Variants in ADAM17 observed in about 807,000 individuals in gnomAD.
The protein encoded by ADAM17 is disintegrin and metalloproteinase domain-containing protein 17.
A neutral mutation model predicts 96.7 loss-of-function variants in ADAM17; 39 were observed. The observed-to-expected ratio is 0.40, with a 90% CI of 0.31 to 0.53. The LOEUF (loss-of-function observed/expected upper bound fraction) is 0.53. ADAM17 is among the 20% of genes least tolerant of loss of function. ADAM17 has a pLI of 0.44. For missense variants in ADAM17, 777 were observed against 1,013.2 expected, an observed-to-expected ratio of 0.77 and a Z score of 3.17; for synonymous variants, 344 against 359.2, an observed-to-expected ratio of 0.96 and a Z score of 0.48.
At chr2:9,526,732 G>A (rs1490125124) in intron 5 of ADAM17, among the ~76,000 whole-genome samples, 2 of 152,060 alleles carry the variant, frequency 1.3e-5, no homozygotes, top group African/African-American at 4.8e-5. Context: ...GGGTGCGGAG[G>A]TTGCAGTGAG....
chr2:9,527,651 C>A (rs1162137881), intron 5 of ADAM17, 135 bp downstream of exon 5: 3 of 569,982 alleles, frequency 5.3e-6, no homozygotes, highest in Admixed American at 8.5e-5. Context: ...ATTTCTGGAA[C>A]AAACCTCTTA....
At chr2:9,543,005 GA>G in intron 2 of ADAM17, 147 bp downstream of exon 2, 4 of 1,064,330 alleles carry the variant, frequency 3.8e-6, no homozygotes, top group Non-Finnish European at 5.0e-6. Context: ...GCCCCAGTAT[GA>G]ATTTTAGAAT....
intron 6 of ADAM17, among the ~76,000 whole-genome samples, chr2:9,525,354 G>A (rs981558268): frequency 6.6e-6 from 1 of 151,194 alleles, no homozygotes; most frequent in African/African-American, 2.4e-5. Context: ...GAAGTTGGGA[G>A]GGTATGAATA....
intron 15 of ADAM17, among the ~76,000 whole-genome samples, chr2:9,494,351 C>T (rs1443965037): frequency 6.6e-6 from 1 of 152,096 alleles, no homozygotes; most frequent in Non-Finnish European, 1.5e-5. Flanking sequence ...TCTAGGAAAA[C>T]ATAATTAGGA....
At chr2:9,496,838 C>A (rs1189131587) in intron 14 of ADAM17, among the ~76,000 whole-genome samples, 1 of 152,142 alleles carries the variant, frequency 6.6e-6, no homozygotes, top group African/African-American at 2.4e-5. Context: ...ACCCACTCAC[C>A]CCCAACAAAA....
chr2:9,514,243 C>A (rs1406588129), intron 10 of ADAM17, among the ~76,000 whole-genome samples: 1 of 150,038 alleles, frequency 6.7e-6, no homozygotes, highest in Non-Finnish European at 1.5e-5. Context: ...TCATTCTCAG[C>A]AAACTATCGC....
chr2:9,489,946 A>AAAACT lies in ADAM17; in HGVS notation c.*226_*230dup, dbSNP rs1661976387. 1 of 452,494 alleles carries AAAACT rather than the reference A, an allele frequency of 2.2e-6. No homozygotes were observed. The highest frequency in any genetic ancestry group is 3.9e-6 in the Non-Finnish European group (1 of 255,946). 28.0% of individuals were successfully genotyped at this position (452,494 alleles called of 1,614,324 possible). On this transcript the variant is annotated 3_prime_UTR_variant, in exon 19 of 19. Coordinates refer to ENST00000310823, the MANE Select transcript of ADAM17 (RefSeq NM_003183.6). ...GCACCACAGGTCAAAAGATATTTTA[A>AAAACT]AAACTAAAACCTGAAAGCCTCAAAA...
In ADAM17 at chr2:9,541,609, A is replaced by G. The variant is rs1307580859; in HGVS notation, c.230+1544T>C. ...AAAACAAAAAATTGGAAGTTTACAA[A>G]GGAAACCTCTCTGGGTCTGAGAAGT... is the stretch of plus-strand genomic sequence containing the variant. On this transcript the variant is annotated intron_variant, in intron 2 of 18. Coordinates refer to ENST00000310823, the MANE Select transcript of ADAM17 (RefSeq NM_003183.6). Among the ~76,000 whole-genome samples, 3 of 152,214 alleles carry G rather than the reference A, an allele frequency of 2.0e-5. No homozygotes were observed. The East Asian group carries it at 5.8e-4, about 29-fold the overall frequency.
Position 9,489,740 on chromosome 2 carries a change from A to C in ADAM17, c.*437T>G, listed in dbSNP as rs1335337050. ...TAGTTGAAGGCAAAAAAAAAAAAAAAAAAAAAAAACTATTCCAGTTGTCAT... is the reference window on the plus strand; with the variant it reads ...TAGTTGAAGGCAAAAAAAAAAAAAACAAAAAAAAACTATTCCAGTTGTCAT... On this transcript the variant is annotated 3_prime_UTR_variant, in exon 19 of 19. Transcript: ENST00000310823. 2.0e-5 allele frequency: 3 copies of C among 152,340 alleles called. No individual in the cohort carries two copies. Among genetic ancestry groups the C allele is most frequent in the South Asian group, 2.1e-4 (1 of 4,818 alleles). The allele number at this position is 152,340 out of a possible 1,614,324, so 9.4% of individuals were successfully genotyped here.
At chr2:9,542,247 T>C (rs998414434) in intron 2 of ADAM17, among the ~76,000 whole-genome samples, 1 of 150,988 alleles carries the variant, frequency 6.6e-6, no homozygotes, top group Non-Finnish European at 1.5e-5. Flanking sequence ...GTAGAAAGAA[T>C]ATTAAATTTG....
chr2:9,539,599 C>T (rs1435558927), intron 2 of ADAM17, among the ~76,000 whole-genome samples: 1 of 152,128 alleles, frequency 6.6e-6, no homozygotes, highest in Non-Finnish European at 1.5e-5. Flanking sequence ...CTTTGCCTTC[C>T]ACTGCTATCG....
intron 3 of ADAM17, 108 bp downstream of exon 3, chr2:9,536,590 T>C: frequency 6.9e-7 from 1 of 1,455,110 alleles, no homozygotes; most frequent in Non-Finnish European, 9.2e-7. Context: ...AGCACTTCTA[T>C]GACACCCCGT....
chr2:9,518,025 T>C (rs1415922037), intron 9 of ADAM17, 36 bp from the exon 10 acceptor site: 5 of 1,578,312 alleles, frequency 3.2e-6, no homozygotes, highest in Non-Finnish European at 4.3e-6. Context: ...AATTGCTTAT[T>C]AAATACAGAA....
chr2:9,537,154 T>C (rs1352250119), intron 2 of ADAM17, among the ~76,000 whole-genome samples: 1 of 152,214 alleles, frequency 6.6e-6, no homozygotes, highest in Non-Finnish European at 1.5e-5. Context: ...ATCCTGATTA[T>C]CTAAAAAAAT....
chr2:9,554,260 T>G (rs1268109737), intron 1 of ADAM17, among the ~76,000 whole-genome samples: 2 of 152,172 alleles, frequency 1.3e-5, no homozygotes, highest in African/African-American at 4.8e-5. Context: ...AAATACATAT[T>G]TATTCTTTTT....
At chr2:9,546,651 G>A (rs955479135) in intron 1 of ADAM17, among the ~76,000 whole-genome samples, 3 of 151,000 alleles carry the variant, frequency 2.0e-5, no homozygotes, top group Non-Finnish European at 4.4e-5. Flanking sequence ...TGACAGTAGA[G>A]TTTATTACAG....
At chr2:9,525,640 A>C (rs1372445072) in intron 6 of ADAM17, among the ~76,000 whole-genome samples, 3 of 152,202 alleles carry the variant, frequency 2.0e-5, no homozygotes, top group Non-Finnish European at 4.4e-5. Flanking sequence ...ACTAGTTATG[A>C]CCATGAAAGT....
intron 13 of ADAM17, among the ~76,000 whole-genome samples, chr2:9,498,258 G>T (rs1171873268): frequency 2.0e-5 from 3 of 152,076 alleles, no homozygotes; most frequent in Non-Finnish European, 4.4e-5. Flanking sequence ...GTGTAAAACT[G>T]CTGGGCTCAA....
intron 6 of ADAM17, among the ~76,000 whole-genome samples, chr2:9,525,299 GAAA>G (rs374286925): frequency 8.1e-6 from 1 of 123,354 alleles, no homozygotes; most frequent in Admixed American, 8.7e-5. Context: ...ACTCTGTGTT[GAAA>G]AAAAAAAAAA....
Sources: allele counts gnomAD v4.1 joint callset (sites outside exome capture counted in the v4.1 genomes callset), GRCh38; gene constraint gnomAD v4.1.1; transcripts MANE v1.5; gene names NCBI Gene and HGNC (gene_info 2026-07-23, HGNC 2026-07-21).